Variants in TFEC observed in about 807,000 individuals in gnomAD.
The protein encoded by TFEC is class E basic helix-loop-helix protein 34.
A neutral mutation model predicts 41.6 loss-of-function variants in TFEC; 31 were observed. That is an observed-to-expected ratio of 0.74 (90% confidence interval 0.56 to 1.01). TFEC has a LOEUF of 1.01. Ranked by LOEUF, TFEC falls within the 50% of genes least tolerant of loss-of-function variation. The probability of loss-of-function intolerance (pLI) is 0.00; values close to 1 mark genes in which losing one functional copy is unlikely to be tolerated. For missense variants in TFEC, 402 were observed against 404.1 expected, an observed-to-expected ratio of 0.99 and a Z score of 0.04; for synonymous variants, 143 against 140.6, an observed-to-expected ratio of 1.02 and a Z score of -0.12.
chr7:115,988,194 G>T (rs940490103), intron 1 of TFEC, among the ~76,000 whole-genome samples: 1 of 151,856 alleles, frequency 6.6e-6, no homozygotes, highest in Admixed American at 6.6e-5. Flanking sequence ...ATACTAAAAG[G>T]CTAAAAAACA....
chr7:116,056,308 T>A (rs1391690224), intron 3 of TFEC, among the ~76,000 whole-genome samples: 1 of 151,904 alleles, frequency 6.6e-6, no homozygotes, highest in South Asian at 2.1e-4. Flanking sequence ...TCGAGTTGAG[T>A]TGGTCTGGTA....
chr7:116,050,188 C>A (rs1313651675), intron 3 of TFEC, among the ~76,000 whole-genome samples: 1 of 152,032 alleles, frequency 6.6e-6, no homozygotes, highest in African/African-American at 2.4e-5. Context: ...ATCAATGAAT[C>A]CAGGAGCTGG....
upstream of TFEC, among the ~76,000 whole-genome samples, chr7:116,031,923 G>A (rs1795793282): frequency 6.6e-6 from 1 of 151,954 alleles, no homozygotes. Context: ...GTTAGTATTA[G>A]AAATAAACAA....
In TFEC at chr7:115,984,349, T is replaced by A. The variant is rs760936082; in HGVS notation, c.93A>T (p.Thr31=). 7 of 1,614,132 alleles carry A rather than the reference T, an allele frequency of 4.3e-6. No homozygotes were observed. The highest frequency in any genetic ancestry group is 5.9e-6 in the Non-Finnish European group (7 of 1,179,972). ...TGAGGCCAGCATCACTGTCCAGAGT[T>A]GTGTGTGCATGCTGCACAAGAGGCC... ...SGGPLVQHAH[T]TLDSDAGLTE... Residue 31 remains threonine (T), a synonymous_variant, in exon 2 of 8, where the codon ACA becomes ACT. Transcript: ENST00000265440.
chr7:115,936,949 C>A lies in TFEC; in HGVS notation c.*3602G>T, dbSNP rs944700798. On this transcript the variant is annotated 3_prime_UTR_variant, in exon 8 of 8. Transcript: ENST00000265440. The stretch of plus-strand genomic sequence containing the variant: ...GATATGCCTATAAACTGAGAAAATA[C>A]CATCTGTACATATATTCTCCATTTG... 34 of 151,280 alleles carry A rather than the reference C, an allele frequency of 2.2e-4. No homozygotes were observed. The highest frequency in any genetic ancestry group is 3.3e-4 in the Admixed American group (5 of 15,154). The allele number at this position is 151,280 out of a possible 1,614,324, so 9.4% of individuals were successfully genotyped here.
chr7:116,100,008 A>C (rs1043798533), intron 3 of TFEC, among the ~76,000 whole-genome samples: 1 of 152,180 alleles, frequency 6.6e-6, no homozygotes, highest in South Asian at 2.1e-4. Context: ...ATCAATGTAG[A>C]TGGTATGGGA....
intron 1 of TFEC, among the ~76,000 whole-genome samples, chr7:116,008,567 C>T (rs1794887331): frequency 2.6e-5 from 4 of 152,068 alleles, no homozygotes; most frequent in African/African-American, 9.7e-5. Flanking sequence ...AAGAGGAAAT[C>T]TATTTTGGGG....
chr7:115,957,136 T>C (rs887909174), intron 3 of TFEC, among the ~76,000 whole-genome samples: 2 of 151,942 alleles, frequency 1.3e-5, no homozygotes, highest in African/African-American at 4.8e-5. Context: ...AAAAATATTA[T>C]TTTGGACAAA....
chr7:116,094,795 T>G (rs537499023), intron 3 of TFEC, among the ~76,000 whole-genome samples: 2 of 152,330 alleles, frequency 1.3e-5, no homozygotes, highest in African/African-American at 4.8e-5. Flanking sequence ...CTTTTCTTTG[T>G]TCTTATTTCT....
chr7:115,964,537 C>T (rs1161116773), intron 3 of TFEC, among the ~76,000 whole-genome samples: 1 of 151,416 alleles, frequency 6.6e-6, no homozygotes, highest in East Asian at 1.9e-4. Context: ...AGTTTGATTT[C>T]CCATAAGTGT....
chr7:116,109,309 T>G (rs1797794544), intron 3 of TFEC, among the ~76,000 whole-genome samples: 1 of 151,938 alleles, frequency 6.6e-6, no homozygotes, highest in Non-Finnish European at 1.5e-5. Flanking sequence ...GGAGAAAAAT[T>G]TTGCAATCTA....
At chr7:116,089,850 A>G (rs1040852899) in intron 3 of TFEC, among the ~76,000 whole-genome samples, 9 of 152,132 alleles carry the variant, frequency 5.9e-5, no homozygotes, top group Admixed American at 4.6e-4. Context: ...TGGTTTTGAA[A>G]CAAAGAAGTC....
intron 3 of TFEC, among the ~76,000 whole-genome samples, chr7:116,058,403 A>AAAAACAGAAAATTAG (rs1554411062): frequency 1.3e-5 from 2 of 150,746 alleles, no homozygotes; most frequent in Non-Finnish European, 3.0e-5. Flanking sequence ...ATCAGAATCA[A>AAAAACAGAAAATTAG]AAAATAGAAA....
At chr7:115,965,478 G>C in intron 3 of TFEC, among the ~76,000 whole-genome samples, 1 of 151,550 alleles carries the variant, frequency 6.6e-6, no homozygotes, top group Non-Finnish European at 1.5e-5. Context: ...ATAAGGAATC[G>C]TGTGCATTTG....
chr7:116,042,476 G>A (rs73448931), intron 3 of TFEC, among the ~76,000 whole-genome samples: 9 of 152,122 alleles, frequency 5.9e-5, no homozygotes, highest in Non-Finnish European at 8.8e-5. Context: ...AATATTAAGT[G>A]TTTAGTTGAA....
chr7:116,063,730 C>T (rs1050868719), intron 3 of TFEC, among the ~76,000 whole-genome samples: 5 of 152,106 alleles, frequency 3.3e-5, no homozygotes, highest in African/African-American at 1.2e-4. Context: ...ATATTCTTTA[C>T]ATAATGTCCT....
chr7:116,042,849 A>G (rs1421097503), intron 3 of TFEC, among the ~76,000 whole-genome samples: 1 of 152,020 alleles, frequency 6.6e-6, no homozygotes, highest in East Asian at 1.9e-4. Context: ...TATAAAGCTG[A>G]GTAGCATATT....
intron 1 of TFEC, among the ~76,000 whole-genome samples, chr7:116,152,015 C>G (rs985864056): frequency 3.9e-5 from 6 of 152,126 alleles, no homozygotes; most frequent in African/African-American, 1.2e-4. Context: ...GTAGTAAACC[C>G]TTTCTTATTG....
intron 3 of TFEC, among the ~76,000 whole-genome samples, chr7:116,049,546 C>T (rs1482843560): frequency 3.3e-5 from 5 of 152,142 alleles, no homozygotes; most frequent in Non-Finnish European, 7.4e-5. Context: ...TTCAACACCC[C>T]ACTGTCAACA....
Sources: allele counts gnomAD v4.1 joint callset (sites outside exome capture counted in the v4.1 genomes callset), GRCh38; gene constraint gnomAD v4.1.1; transcripts MANE v1.5; gene names NCBI Gene and HGNC (gene_info 2026-07-23, HGNC 2026-07-21).